Variants in NRG3 observed in about 807,000 individuals in gnomAD.
The protein encoded by NRG3 is neuregulin 3, also known as pro-neuregulin-3, membrane-bound isoform.
In NRG3, 31 loss-of-function variants were observed where a neutral mutation model predicts 66.9. The observed-to-expected ratio is 0.46, with a 90% confidence interval of 0.35 to 0.63. The LOEUF is 0.63. Ranked by LOEUF, NRG3 falls within the 20% of genes least tolerant of loss-of-function variation. The pLI is 0.00. For synonymous variants in NRG3, 393 were observed against 359.4 expected, an observed-to-expected ratio of 1.09 and a Z score of -1.06; for missense variants, 910 against 878.9, an observed-to-expected ratio of 1.04 and a Z score of -0.45.
intron 2 of NRG3, among the ~76,000 whole-genome samples, chr10:82,636,464 G>T (rs1030643401): frequency 1.3e-5 from 2 of 152,120 alleles, no homozygotes; most frequent in Non-Finnish European, 2.9e-5. Context: ...GAAAGCAAAG[G>T]AGTTCTCAAA....
chr10:82,816,819 G>C lies in NRG3; in HGVS notation c.1028-48592G>C, dbSNP rs534858646. Among the ~76,000 whole-genome samples the C allele has an allele frequency of 4.4e-4, 67 of 152,330 alleles. 1 individual carries two copies. Among genetic ancestry groups the C allele is most frequent in the East Asian group, 4.1e-3 (21 of 5,166 alleles). On this transcript the variant is annotated intron_variant, in intron 3 of 8. Transcript: ENST00000372141. ...CAGCAGAGCACGCAGCCCCAGCCAT[G>C]CTTCTCCTGCTGCAACTGGCATCCC...
chr10:82,571,512 A>G (rs1183571363), intron 2 of NRG3, among the ~76,000 whole-genome samples: 1 of 151,652 alleles, frequency 6.6e-6, no homozygotes, highest in African/African-American at 2.4e-5. Flanking sequence ...ATAAAAGTAC[A>G]TATCTTTCCT....
chr10:81,928,035 C>A (rs894015146), intron 1 of NRG3, among the ~76,000 whole-genome samples: 7 of 152,154 alleles, frequency 4.6e-5, no homozygotes, highest in Non-Finnish European at 8.8e-5. Flanking sequence ...CAAATCAATA[C>A]ATCTTTACAA....
chr10:82,224,122 T>G (rs2076066989), intron 1 of NRG3: 1 of 152,242 alleles, frequency 6.6e-6, no homozygotes, highest in South Asian at 2.1e-4. Context: ...ATTGTGTATT[T>G]ATTTACAAGA....
In NRG3 at chr10:81,916,179, T is replaced by C. The variant is rs563216305; in HGVS notation, c.823+40016T>C. ...GTTTCAAAGGCCTTTTCACCACTTA[T>C]GGCTAGTGGGGACCATGTTGGACAG... On this transcript the variant is annotated intron_variant, in intron 1 of 8. Coordinates refer to ENST00000372141, the MANE Select transcript of NRG3 (RefSeq NM_001010848.4). 3.9e-5 allele frequency among the ~76,000 whole-genome samples: 6 copies of C among 152,266 alleles called. No individual in the cohort carries two copies. The East Asian group carries it at 9.7e-4, about 25-fold the overall frequency.
intron 1 of NRG3, among the ~76,000 whole-genome samples, chr10:82,270,468 T>C (rs1028835807): frequency 1.1e-4 from 17 of 152,152 alleles, no homozygotes; most frequent in African/African-American, 4.1e-4. Flanking sequence ...GCATTTCCTC[T>C]CATAGCATTC....
chr10:82,585,414 G>A (rs548772349), intron 2 of NRG3, among the ~76,000 whole-genome samples: 1 of 152,224 alleles, frequency 6.6e-6, no homozygotes, highest in East Asian at 1.9e-4. Flanking sequence ...AGTTTCCCCA[G>A]AACTTAATCA....
intron 1 of NRG3, among the ~76,000 whole-genome samples, chr10:81,897,147 C>T (rs934949156): frequency 3.9e-5 from 6 of 151,930 alleles, no homozygotes; most frequent in South Asian, 4.2e-4. Flanking sequence ...TCAAGGCCCT[C>T]GAGGGACTGA....
intron 2 of NRG3, among the ~76,000 whole-genome samples, chr10:82,517,063 A>G (rs1295956307): frequency 6.6e-6 from 1 of 152,198 alleles, no homozygotes; most frequent in Non-Finnish European, 1.5e-5. Context: ...TATGCAAATA[A>G]ATTTCATGAA....
At position 82,769,292 on chromosome 10, in the gene NRG3, G is replaced by C. The variant is rs139932329; in HGVS notation, c.1027+30642G>C. Among the ~76,000 whole-genome samples, 1,022 of 152,156 alleles carry C rather than the reference G, an allele frequency of 6.7e-3. 46 individuals carry two copies. Among genetic ancestry groups the C allele is most frequent in the Admixed American group, 0.057 (870 of 15,270 alleles). On this transcript the variant is annotated intron_variant, in intron 3 of 8. Coordinates refer to ENST00000372141, the MANE Select transcript of NRG3 (RefSeq NM_001010848.4). ...CCTGAAGCACCAGTTCAAAGGCTGA[G>C]TTGTACTTACATATTCTAAATGTTT...
At chr10:82,983,311 T>A (rs1486879827) in intron 8 of NRG3, among the ~76,000 whole-genome samples, 1 of 152,236 alleles carries the variant, frequency 6.6e-6, no homozygotes, top group African/African-American at 2.4e-5. Flanking sequence ...CTTGTTGAAA[T>A]TGATTTATTG....
intron 1 of NRG3, among the ~76,000 whole-genome samples, chr10:82,273,631 A>T (rs2078706334): frequency 6.6e-6 from 1 of 151,968 alleles, no homozygotes; most frequent in African/African-American, 2.4e-5. Flanking sequence ...CATTTTAAAA[A>T]ATTTTCTTAA....
intron 1 of NRG3, among the ~76,000 whole-genome samples, chr10:82,312,642 G>A (rs1360707998): frequency 1.3e-5 from 2 of 152,174 alleles, no homozygotes; most frequent in Admixed American, 6.5e-5. Flanking sequence ...AGGGGGTATT[G>A]CAAGATGGCA....
intron 2 of NRG3, among the ~76,000 whole-genome samples, chr10:82,569,080 C>T (rs954431821): frequency 3.3e-5 from 5 of 151,572 alleles, no homozygotes; most frequent in Non-Finnish European, 7.4e-5. Flanking sequence ...CTGTTAGACC[C>T]AACATTATAT....
intron 2 of NRG3, among the ~76,000 whole-genome samples, chr10:82,406,863 C>T (rs1404301568): frequency 6.6e-6 from 1 of 152,048 alleles, no homozygotes; most frequent in Non-Finnish European, 1.5e-5. Flanking sequence ...TTTTCTGTTA[C>T]GACTATTCTC....
intron 1 of NRG3, among the ~76,000 whole-genome samples, chr10:81,916,516 T>C (rs971476540): frequency 1.2e-4 from 18 of 152,138 alleles, no homozygotes; most frequent in African/African-American, 4.3e-4. Context: ...ATAAAAGACA[T>C]TGGCATTGGG....
chr10:82,920,187 C>G (rs1846287328), intron 4 of NRG3, among the ~76,000 whole-genome samples: 3 of 149,526 alleles, frequency 2.0e-5, no homozygotes, highest in Admixed American at 2.0e-4. Flanking sequence ...GTACTGTACT[C>G]TAGTTGATAA....
chr10:82,350,498 C>T (rs904988273), intron 1 of NRG3, among the ~76,000 whole-genome samples: 1 of 152,152 alleles, frequency 6.6e-6, no homozygotes, highest in Non-Finnish European at 1.5e-5. Context: ...TAGAGATGAA[C>T]AGGAAGTGTG....
chr10:82,920,698 G>T (rs982311091), intron 4 of NRG3, among the ~76,000 whole-genome samples: 1 of 152,022 alleles, frequency 6.6e-6, no homozygotes, highest in Non-Finnish European at 1.5e-5. Context: ...GGAGCAGCTT[G>T]CCAGGAAATA....
Sources: gnomAD v4.1 joint callset for allele counts (sites outside exome capture counted in the v4.1 genomes callset) on GRCh38, gnomAD v4.1.1 for gene constraint, MANE v1.5 for transcripts, NCBI Gene and HGNC (gene_info 2026-07-23, HGNC 2026-07-21) for gene names.